ADGRL3: variants seen among roughly 807,000 people sequenced by gnomAD.
ADGRL3 encodes the protein adhesion G protein-coupled receptor L3.
A neutral mutation model predicts 153.5 loss-of-function variants in ADGRL3; 62 were observed. That is an observed-to-expected ratio of 0.40 (90% CI 0.33 to 0.50). The LOEUF is 0.50. ADGRL3 is among the 20% of genes least tolerant of loss of function. The pLI, the probability that ADGRL3 is intolerant of heterozygous loss-of-function variation, is 0.47. For synonymous variants in ADGRL3, 710 were observed against 672.5 expected (o/e 1.06, Z -0.86); for missense variants, 1,641 against 1,859.4 (o/e 0.88, Z 2.16).
chr4:61,407,753 A>G (rs1418043917), intron 2 of ADGRL3, among the ~76,000 whole-genome samples: 2 of 152,164 alleles, frequency 1.3e-5, no homozygotes, highest in Non-Finnish European at 2.9e-5. Context: ...TTAATTTTAC[A>G]AACACATGCA....
intron 25 of ADGRL3, among the ~76,000 whole-genome samples, chr4:62,046,312 A>T (rs1731100481): frequency 6.6e-6 from 1 of 151,940 alleles, no homozygotes; most frequent in South Asian, 2.1e-4. Flanking sequence ...TGTTGTCTAA[A>T]TTCATGTAAA....
chr4:61,562,692 G>A (rs956979814), intron 4 of ADGRL3, among the ~76,000 whole-genome samples: 20 of 152,148 alleles, frequency 1.3e-4, no homozygotes, highest in African/African-American at 4.6e-4. Flanking sequence ...CAGCTCTCTT[G>A]CTATTCGAAC....
chr4:62,052,582 T>C (rs1038307986), intron 25 of ADGRL3, among the ~76,000 whole-genome samples: 1 of 151,522 alleles, frequency 6.6e-6, no homozygotes. Context: ...TGTCCAATTG[T>C]AGGGCTTAGA....
At chr4:62,007,581 G>A (rs1288212371) in intron 21 of ADGRL3, among the ~76,000 whole-genome samples, 2 of 150,144 alleles carry the variant, frequency 1.3e-5, no homozygotes, top group Admixed American at 1.3e-4. Context: ...ACATCTTAGA[G>A]TTCCATCCAG....
At chr4:61,620,797 T>C (rs2092451955) in intron 5 of ADGRL3, among the ~76,000 whole-genome samples, 1 of 151,708 alleles carries the variant, frequency 6.6e-6, no homozygotes, top group Non-Finnish European at 1.5e-5. Flanking sequence ...CTCGCCACCA[T>C]GCCCAACTAA....
intron 4 of ADGRL3, among the ~76,000 whole-genome samples, chr4:61,535,542 T>C (rs2098650368): frequency 6.6e-6 from 1 of 152,130 alleles, no homozygotes; most frequent in Non-Finnish European, 1.5e-5. Flanking sequence ...TCTGGTAGAA[T>C]TCAGGTGTGA....
chr4:61,647,585 A>T (rs372748565), intron 5 of ADGRL3, among the ~76,000 whole-genome samples: 3 of 152,164 alleles, frequency 2.0e-5, no homozygotes, highest in South Asian at 4.1e-4. Flanking sequence ...AGATTTTTAG[A>T]GGATTATGAG....
intron 8 of ADGRL3, among the ~76,000 whole-genome samples, chr4:61,792,496 AT>A (rs200393934): frequency 4.4e-4 from 51 of 115,762 alleles, no homozygotes; most frequent in African/African-American, 9.2e-4. Context: ...TTATTTTATT[AT>A]TTTTTTTTTT....
At chr4:61,566,732 A>G (rs1336004950) in intron 4 of ADGRL3, among the ~76,000 whole-genome samples, 2 of 152,142 alleles carry the variant, frequency 1.3e-5, no homozygotes, top group Non-Finnish European at 2.9e-5. Context: ...CTTATAAATA[A>G]TATTTTTGAA....
intron 8 of ADGRL3, among the ~76,000 whole-genome samples, chr4:61,734,247 A>AT (rs901419560): frequency 7.9e-5 from 12 of 151,028 alleles, no homozygotes; most frequent in South Asian, 4.2e-4. Context: ...AATACCTTTA[A>AT]TTTTTTTTTC....
At chr4:61,347,676 GA>G (rs36046840) in intron 1 of ADGRL3, among the ~76,000 whole-genome samples, 61,045 of 151,496 alleles carry the variant, frequency 0.4, 13,326 homozygotes, top group African/African-American at 0.57. Context: ...TATGCTGTGA[GA>G]AAAAAAATGT....
intron 1 of ADGRL3, among the ~76,000 whole-genome samples, chr4:61,270,538 A>C (rs2093110401): frequency 6.6e-6 from 1 of 151,842 alleles, no homozygotes; most frequent in South Asian, 2.1e-4. Context: ...TCCTAATCAT[A>C]TTAGGAGAGT....
At chr4:61,592,844 A>G (rs993039533) in intron 5 of ADGRL3, among the ~76,000 whole-genome samples, 30 of 152,172 alleles carry the variant, frequency 2.0e-4, no homozygotes, top group African/African-American at 6.8e-4. Context: ...GAATTGTGTT[A>G]GGTCTCCTTT....
intron 23 of ADGRL3, among the ~76,000 whole-genome samples, chr4:62,032,544 T>A (rs1477101): frequency 0.88 from 132,958 of 151,362 alleles, 59,320 homozygotes; most frequent in Non-Finnish European, 0.95. Flanking sequence ...AAAAATAATT[T>A]AAAAATATTC....
chr4:61,676,288 C>T (rs1201287023), intron 5 of ADGRL3, among the ~76,000 whole-genome samples: 1 of 151,838 alleles, frequency 6.6e-6, no homozygotes, highest in African/African-American at 2.4e-5. Flanking sequence ...TTAATTTTTA[C>T]AAAATAAATT....
At chr4:62,022,928 A>G (rs1218631351) in intron 21 of ADGRL3, among the ~76,000 whole-genome samples, 1 of 152,156 alleles carries the variant, frequency 6.6e-6, no homozygotes, top group Admixed American at 6.6e-5. Context: ...CAGCCCATGG[A>G]TCAATGAGTA....
At chr4:61,873,111 T>C (rs577106698) in intron 9 of ADGRL3, among the ~76,000 whole-genome samples, 2 of 152,328 alleles carry the variant, frequency 1.3e-5, no homozygotes, top group African/African-American at 4.8e-5. Context: ...AACGCATCTA[T>C]GAGGTATGCT....
At chr4:61,902,155 G>A (rs2098668140) in intron 11 of ADGRL3, among the ~76,000 whole-genome samples, 1 of 152,132 alleles carries the variant, frequency 6.6e-6, no homozygotes, top group Non-Finnish European at 1.5e-5. Context: ...GAGGATGTGG[G>A]CCATTACAGC....
chr4:62,042,782 T>C (rs1039909), intron 24 of ADGRL3, among the ~76,000 whole-genome samples: 3,093 of 152,084 alleles, frequency 0.02, 93 homozygotes, highest in African/African-American at 0.071. Flanking sequence ...GTATAATGAA[T>C]AGTCACAAAA....
Sources: allele counts gnomAD v4.1 joint callset (sites outside exome capture counted in the v4.1 genomes callset), GRCh38; gene constraint gnomAD v4.1.1; transcripts MANE v1.5; gene names NCBI Gene and HGNC (gene_info 2026-07-23, HGNC 2026-07-21).